ANKRD11: variants seen among roughly 807,000 people sequenced by gnomAD.
ANKRD11 encodes the protein ankyrin repeat domain-containing protein 11.
Under a neutral mutation model 195.7 loss-of-function variants are expected in ANKRD11, and 17 were observed. The observed-to-expected ratio is 0.09, with a 90% CI of 0.06 to 0.13. The LOEUF is 0.13. Ranked by LOEUF, ANKRD11 falls within the 10% of genes least tolerant of loss-of-function variation. ANKRD11 has a pLI of 1.00. For synonymous variants in ANKRD11, 1,953 were observed against 1,528.1 expected (o/e 1.28, Z -6.49); for missense variants, 3,735 against 3,566.1 (o/e 1.05, Z -1.21).
At chr16:89,365,287 A>C (rs1431996144) in intron 2 of ANKRD11, among the ~76,000 whole-genome samples, 1 of 152,222 alleles carries the variant, frequency 6.6e-6, no homozygotes, top group Non-Finnish European at 1.5e-5. Flanking sequence ...CACGTAGTCT[A>C]AACCCTTGTG....
At chr16:89,432,670 C>T (rs1264072577) in intron 1 of ANKRD11, among the ~76,000 whole-genome samples, 7 of 152,134 alleles carry the variant, frequency 4.6e-5, no homozygotes, top group South Asian at 2.1e-4. Context: ...CACCACCATA[C>T]CCGAGACCTT....
chr16:89,360,211 T>C (rs768844534), intron 2 of ANKRD11, among the ~76,000 whole-genome samples: 3 of 152,252 alleles, frequency 2.0e-5, no homozygotes, highest in African/African-American at 7.2e-5. Context: ...TCCAGCTCCA[T>C]CCATGTTCCC....
At position 89,283,237 on chromosome 16, in the gene ANKRD11, T is replaced by A; in HGVS notation, c.3305A>T (p.Lys1102Ile). 1 of 1,614,210 alleles carries A rather than the reference T, an allele frequency of 6.2e-7. No individual in the cohort carries two copies. The highest frequency in any genetic ancestry group is 8.5e-7 in the Non-Finnish European group (1 of 1,180,050). Residue 1102 changes from lysine to isoleucine, a missense_variant, in exon 9 of 13, where the codon AAA becomes ATA. By Grantham distance (102) the Lys-to-Ile change is moderately radical (BLOSUM62 -3). Coordinates refer to ENST00000301030, the MANE Select transcript of ANKRD11 (RefSeq NM_013275.6). This position sits in a 1 kb window ranked among gnomAD's most constrained non-coding sequence, Gnocchi z 4.3. The stretch of plus-strand genomic sequence containing the variant: ...CTCTTTGCCTTTCTTGTCATCTTTT[T>A]TTTCAGAGAAGTCTTCTGAGATGAT... Reference protein sequence around the residue: ...PGIISEDFSEKKDDKKGKEKS... With the variant: ...PGIISEDFSEIKDDKKGKEKS...
rs1597323479 is a variant in ANKRD11, at chr16:89,410,726, A to G, written c.-60+7558T>C. On this transcript the variant is annotated intron_variant, in intron 2 of 12. Transcript: ENST00000301030. ...CGTCAACGATACCAAAAGCTATGAA[A>G]GCATCCTTGGATTTACAAAGAACCC... is the stretch of plus-strand genomic sequence containing the variant. Among the ~76,000 whole-genome samples the G allele has an allele frequency of 3.3e-5, 5 of 152,380 alleles. 1 individual carries two copies. The highest frequency in any genetic ancestry group is 3.3e-4 in the Admixed American group (5 of 15,312).
In ANKRD11 at chr16:89,285,951, T is replaced by C. The variant is rs1362653712; in HGVS notation, c.892+88A>G. On this transcript the variant is annotated intron_variant, in intron 8 of 12. Transcript: ENST00000301030. This position sits in a 1 kb window ranked among gnomAD's most constrained non-coding sequence, Gnocchi z 5.6. ...CCCCCAGCATCCGAGGAGGAGCTGA[T>C]CAGAGGGGCAACACTGTGCAAACAC... is the stretch of plus-strand genomic sequence containing the variant. 1 of 1,599,534 alleles carries C rather than the reference T, an allele frequency of 6.3e-7. No individual in the cohort carries two copies. Among genetic ancestry groups the C allele is most frequent in the Non-Finnish European group, 8.5e-7 (1 of 1,170,608 alleles).
intron 1 of ANKRD11, among the ~76,000 whole-genome samples, chr16:89,471,116 G>A (rs571672948): frequency 2.6e-5 from 4 of 152,280 alleles, no homozygotes; most frequent in African/African-American, 9.6e-5. Context: ...ACTCTGGGAG[G>A]CCAAGGCAGG....
At chr16:89,276,424 G>A (rs2151710411) in intron 9 of ANKRD11, among the ~76,000 whole-genome samples, 1 of 152,316 alleles carries the variant, frequency 6.6e-6, no homozygotes, top group East Asian at 1.9e-4. Flanking sequence ...CAGAGGGAGA[G>A]ACTTCAACTC....
At chr16:89,345,557 T>A (rs1319233991) in intron 2 of ANKRD11, among the ~76,000 whole-genome samples, 1 of 152,208 alleles carries the variant, frequency 6.6e-6, no homozygotes, top group Non-Finnish European at 1.5e-5. Flanking sequence ...AGAAATAAAT[T>A]TCTGTTCTTT....
At position 89,279,553 on chromosome 16, in the gene ANKRD11, T is replaced by C; in HGVS notation, c.6989A>G (p.Glu2330Gly). Residue 2330 changes from glutamate to glycine, a missense_variant, in exon 9 of 13, where the codon GAG becomes GGG. Coordinates refer to ENST00000301030, the MANE Select transcript of ANKRD11 (RefSeq NM_013275.6). The surrounding 1 kb of genome is among the most constrained non-coding windows in gnomAD (Gnocchi z 5.6). ...TAEAPKAPRV[E>G]EIPQRMTRNR... Reference sequence around the variant, plus strand: ...CCTGGTCATGCGCTGAGGGATCTCCTCCACTCGGGGGGCCTTCGGGGCTTC... The same window carrying C: ...CCTGGTCATGCGCTGAGGGATCTCCCCCACTCGGGGGGCCTTCGGGGCTTC... 7.0e-7 allele frequency: 1 copy of C among 1,425,134 alleles called. No homozygotes were observed. The highest frequency in any genetic ancestry group is 1.3e-5 in the South Asian group (1 of 78,282). The allele number at this position is 1,425,134 out of a possible 1,614,324, so 88.3% of individuals were successfully genotyped here.
chr16:89,453,736 C>A (rs1390943389), intron 1 of ANKRD11, among the ~76,000 whole-genome samples: 1 of 152,144 alleles, frequency 6.6e-6, no homozygotes, highest in Non-Finnish European at 1.5e-5. Context: ...ACAAAAGAGA[C>A]CGGATGCCAC....
chr16:89,467,668 C>G (rs1305781290), intron 1 of ANKRD11, among the ~76,000 whole-genome samples: 1 of 152,162 alleles, frequency 6.6e-6, no homozygotes, highest in Non-Finnish European at 1.5e-5. Flanking sequence ...CTGTATCACT[C>G]TTCAACACGC....
intron 1 of ANKRD11, among the ~76,000 whole-genome samples, chr16:89,451,337 A>G (rs556387981): frequency 3.2e-4 from 48 of 152,146 alleles, no homozygotes; most frequent in African/African-American, 1.1e-3. Context: ...ATTAACTGTG[A>G]ATTGACAGGA....
chr16:89,278,627 G>GA (rs1209062449), intron 9 of ANKRD11: 14 of 460,142 alleles, frequency 3.0e-5, no homozygotes, highest in Non-Finnish European at 6.1e-5. Flanking sequence ...GGAGGTGGGG[G>GA]AAGGGACTCA....
intron 2 of ANKRD11, among the ~76,000 whole-genome samples, chr16:89,387,392 G>T (rs997510271): frequency 6.6e-6 from 1 of 151,998 alleles, no homozygotes; most frequent in Non-Finnish European, 1.5e-5. Flanking sequence ...CTGTGCTTGG[G>T]CCGGGCGCGG....
At chr16:89,422,186 A>T (rs1182327908) in intron 1 of ANKRD11, 1 of 152,156 alleles carries the variant, frequency 6.6e-6, no homozygotes, top group Non-Finnish European at 1.5e-5. Context: ...CTCTAGGCCA[A>T]ACCTATAATC....
chr16:89,461,315 G>T (rs867257933), intron 1 of ANKRD11, among the ~76,000 whole-genome samples: 1 of 151,842 alleles, frequency 6.6e-6, no homozygotes, highest in African/African-American at 2.4e-5. Flanking sequence ...ATGGGTAGCC[G>T]GTGTCGTCTG....
intron 2 of ANKRD11, among the ~76,000 whole-genome samples, chr16:89,329,899 G>C (rs1423510524): frequency 6.6e-6 from 1 of 152,004 alleles, no homozygotes; most frequent in Non-Finnish European, 1.5e-5. Context: ...CCAGCTACTT[G>C]GGAGGCTGAG....
chr16:89,372,796 G>C (rs913005355), intron 2 of ANKRD11: 2 of 152,162 alleles, frequency 1.3e-5, no homozygotes, highest in African/African-American at 2.4e-5. Context: ...AACAAATGTT[G>C]AGAGTCAGAA....
intron 2 of ANKRD11, among the ~76,000 whole-genome samples, chr16:89,413,177 C>T (rs1333107710): frequency 1.3e-5 from 2 of 152,166 alleles, no homozygotes; most frequent in Non-Finnish European, 2.9e-5. Context: ...TTTAAAGATG[C>T]CTAGCCACAG....
Sources: gnomAD v4.1 joint callset for allele counts (sites outside exome capture counted in the v4.1 genomes callset) on GRCh38, gnomAD v4.1.1 for gene constraint, Gnocchi (gnomAD v3.1) non-coding constraint, MANE v1.5 for transcripts, NCBI Gene and HGNC (gene_info 2026-07-23, HGNC 2026-07-21) for gene names.